Variants in PDZRN3 observed in about 807,000 individuals in gnomAD.
The protein encoded by PDZRN3 is E3 ubiquitin-protein ligase PDZRN3.
PDZRN3 carries 38 observed loss-of-function variants against 85.7 expected under a neutral mutation model. The ratio of observed to expected loss-of-function variants is 0.44; its 90% confidence interval spans 0.34 to 0.58. The LOEUF (loss-of-function observed/expected upper bound fraction) is 0.58. Among genes scored for constraint, PDZRN3 ranks in the 20% least tolerant of loss-of-function variants. The pLI, the probability that PDZRN3 is intolerant of heterozygous loss-of-function variation, is 0.01. For missense variants in PDZRN3, 1,629 were observed against 1,506.4 expected (o/e 1.08, Z -1.35); for synonymous variants, 759 against 638.0 (o/e 1.19, Z -2.86).
intron 3 of PDZRN3, among the ~76,000 whole-genome samples, chr3:73,557,791 A>G (rs1447195106): frequency 6.6e-6 from 1 of 152,218 alleles, no homozygotes; most frequent in East Asian, 1.9e-4. Flanking sequence ...AAATTTTAAA[A>G]TATCATTTAA....
intron 1 of PDZRN3, among the ~76,000 whole-genome samples, chr3:73,618,630 C>T (rs1369336057): frequency 6.6e-6 from 1 of 152,226 alleles, no homozygotes; most frequent in Non-Finnish European, 1.5e-5. Context: ...CGGTCCAATG[C>T]ATAATTGCCT....
chr3:73,469,524 C>T (rs950702153), intron 3 of PDZRN3, among the ~76,000 whole-genome samples: 2 of 152,198 alleles, frequency 1.3e-5, no homozygotes, highest in African/African-American at 4.8e-5. Flanking sequence ...TTCACCAACA[C>T]TCCGTGCTTA....
intron 3 of PDZRN3, among the ~76,000 whole-genome samples, chr3:73,454,418 C>G (rs1702937493): frequency 6.6e-6 from 1 of 152,152 alleles, no homozygotes; most frequent in African/African-American, 2.4e-5. Flanking sequence ...CCTGCAACAT[C>G]AATGTGTCTC....
intron 3 of PDZRN3, among the ~76,000 whole-genome samples, chr3:73,439,926 T>G (rs909850492): frequency 2.2e-5 from 3 of 136,586 alleles, no homozygotes; most frequent in Admixed American, 6.7e-5. Flanking sequence ...TTTAGTAGAG[T>G]TGGGGTTCAC....
chr3:73,566,927 T>C (rs1019944765), intron 3 of PDZRN3, among the ~76,000 whole-genome samples: 1 of 152,200 alleles, frequency 6.6e-6, no homozygotes, highest in Non-Finnish European at 1.5e-5. Context: ...CTTGGATCCT[T>C]GACAAGGCCA....
chr3:73,424,493 G>T (rs1163446967), intron 3 of PDZRN3, among the ~76,000 whole-genome samples: 1 of 131,110 alleles, frequency 7.6e-6, no homozygotes, highest in Non-Finnish European at 1.5e-5. Context: ...AGTAAGCTGA[G>T]ATCGTGCCAC....
intron 3 of PDZRN3, among the ~76,000 whole-genome samples, chr3:73,519,828 A>G (rs578237963): frequency 1.3e-5 from 2 of 152,266 alleles, no homozygotes; most frequent in East Asian, 3.9e-4. Flanking sequence ...GGGATTATCT[A>G]CCAGGGAGAG....
At chr3:73,516,318 C>A (rs1704255095) in intron 3 of PDZRN3, among the ~76,000 whole-genome samples, 1 of 152,178 alleles carries the variant, frequency 6.6e-6, no homozygotes, top group African/African-American at 2.4e-5. Context: ...CCAAAAGCTG[C>A]ACCAATGTAA....
At chr3:73,589,317 G>A (rs1016247567) in intron 3 of PDZRN3, among the ~76,000 whole-genome samples, 1 of 152,120 alleles carries the variant, frequency 6.6e-6, no homozygotes, top group South Asian at 2.1e-4. Context: ...ACCTAGAACT[G>A]GGATGGATTA....
Position 73,383,107 on chromosome 3 carries a change from G to C in PDZRN3, c.*258C>G. 2.5e-6 allele frequency: 1 copy of C among 402,076 alleles called. No homozygotes were observed. The highest frequency in any genetic ancestry group is 4.4e-6 in the Non-Finnish European group (1 of 227,830). The allele number at this position is 402,076 out of a possible 1,614,324, so 24.9% of individuals were successfully genotyped here. A position where few individuals can be genotyped will look rare whatever the true frequency, so the allele number is the denominator to read the frequency against. On this transcript the variant is annotated 3_prime_UTR_variant, in exon 10 of 10. Transcript: ENST00000263666. Reference sequence around the variant, plus strand: ...AAATTTAAACACTTTATGTAAAAGGGTACAGGTAGAAAAGTACAATTGCTA... The same window carrying C: ...AAATTTAAACACTTTATGTAAAAGGCTACAGGTAGAAAAGTACAATTGCTA...
At chr3:73,613,893 C>T (rs1430130435) in intron 1 of PDZRN3, among the ~76,000 whole-genome samples, 1 of 152,068 alleles carries the variant, frequency 6.6e-6, no homozygotes, top group Non-Finnish European at 1.5e-5. Flanking sequence ...AACACAGGAT[C>T]TCCCTGGGAG....
chr3:73,620,415 G>A (rs1034092870), intron 1 of PDZRN3, among the ~76,000 whole-genome samples: 7 of 152,276 alleles, frequency 4.6e-5, no homozygotes, highest in African/African-American at 1.7e-4. Flanking sequence ...GAATCAGGGG[G>A]TAAGTCAGGA....
chr3:73,466,669 C>T (rs1703224539), intron 3 of PDZRN3, among the ~76,000 whole-genome samples: 1 of 152,122 alleles, frequency 6.6e-6, no homozygotes, highest in Admixed American at 6.5e-5. Flanking sequence ...CCTTAACACG[C>T]AGAAACTCTA....
intron 3 of PDZRN3, among the ~76,000 whole-genome samples, chr3:73,530,514 A>C (rs556573142): frequency 1.3e-5 from 2 of 152,356 alleles, no homozygotes; most frequent in Non-Finnish European, 2.9e-5. Context: ...TAACCATTAA[A>C]GTGATCTTGT....
At chr3:73,385,553 G>A (rs1701358334) in intron 9 of PDZRN3, 116 bp downstream of exon 9, 2 of 671,380 alleles carry the variant, frequency 3.0e-6, no homozygotes, top group Non-Finnish European at 5.3e-6. Flanking sequence ...TTTTCTTGCT[G>A]CCTTCCAGGT....
chr3:73,506,102 T>G (rs1350057844), intron 3 of PDZRN3, among the ~76,000 whole-genome samples: 2 of 152,200 alleles, frequency 1.3e-5, no homozygotes, highest in Non-Finnish European at 2.9e-5. Context: ...TCATTATCTC[T>G]GCACTGAGAT....
chr3:73,445,033 A>G (rs533760039), intron 3 of PDZRN3, among the ~76,000 whole-genome samples: 1 of 152,310 alleles, frequency 6.6e-6, no homozygotes, highest in Non-Finnish European at 1.5e-5. Flanking sequence ...ACTGGCGTGT[A>G]GGCTGAAGTG....
intron 3 of PDZRN3, among the ~76,000 whole-genome samples, chr3:73,578,125 A>G (rs1009609930): frequency 1.3e-5 from 2 of 150,066 alleles, no homozygotes; most frequent in South Asian, 2.1e-4. Flanking sequence ...CCATTTGTTT[A>G]CTACTGGGAT....
At chr3:73,452,095 G>A (rs545271457) in intron 3 of PDZRN3, among the ~76,000 whole-genome samples, 4 of 152,240 alleles carry the variant, frequency 2.6e-5, no homozygotes, top group Admixed American at 6.5e-5. Context: ...CTGGTTAGAC[G>A]ATGGATATAG....
Sources: allele counts gnomAD v4.1 joint callset (sites outside exome capture counted in the v4.1 genomes callset), GRCh38; gene constraint gnomAD v4.1.1; transcripts MANE v1.5; gene names NCBI Gene and HGNC (gene_info 2026-07-23, HGNC 2026-07-21).